KSR2: variants seen among roughly 807,000 people sequenced by gnomAD.
The protein encoded by KSR2 is kinase suppressor of ras 2.
A neutral mutation model predicts 107.8 loss-of-function variants in KSR2; 25 were observed. The ratio of observed to expected loss-of-function variants is 0.23; its 90% CI spans 0.17 to 0.32. The LOEUF is 0.32. Among genes scored for constraint, KSR2 ranks in the 10% least tolerant of loss-of-function variants. The probability of loss-of-function intolerance (pLI) is 1.00; values close to 1 mark genes in which losing one functional copy is unlikely to be tolerated. For missense variants in KSR2, 887 were observed against 1,268.9 expected, an observed-to-expected ratio of 0.70 and a Z score of 4.57; for synonymous variants, 480 against 507.0, an observed-to-expected ratio of 0.95 and a Z score of 0.71.
At chr12:117,530,279 TATA>T (rs999284192) in intron 12 of KSR2, among the ~76,000 whole-genome samples, 2 of 152,220 alleles carry the variant, frequency 1.3e-5, no homozygotes, top group African/African-American at 4.8e-5. Context: ...ATATTATTTT[TATA>T]ATAATATAAA....
At chr12:117,695,148 C>T (rs969396151) in intron 4 of KSR2, among the ~76,000 whole-genome samples, 8 of 151,876 alleles carry the variant, frequency 5.3e-5, no homozygotes, top group African/African-American at 1.5e-4. Context: ...CACACCTGGC[C>T]GTATGATTCT....
intron 3 of KSR2, among the ~76,000 whole-genome samples, chr12:117,841,032 A>G (rs184719944): frequency 5.9e-5 from 9 of 151,954 alleles, no homozygotes; most frequent in Admixed American, 5.9e-4. Context: ...GTAACATACC[A>G]ATGTGGATGC....
Position 117,466,959 on chromosome 12 carries a change from C to T in KSR2, c.*240G>A, listed in dbSNP as rs905581573. 6 of 450,624 alleles carry T rather than the reference C, an allele frequency of 1.3e-5. No individual in the cohort carries two copies. Among genetic ancestry groups the T allele is most frequent in the East Asian group, 3.5e-5 (1 of 28,170 alleles). 27.9% of individuals were successfully genotyped at this position (450,624 alleles called of 1,614,324 possible). ...TCCCCTGGGCCGCACTGATCAATAA[C>T]GCATCACCCTGGCTGGTCCGGTTCA... is the stretch of plus-strand genomic sequence containing the variant. On this transcript the variant is annotated 3_prime_UTR_variant, in exon 20 of 20. Transcript: ENST00000339824.
chr12:117,704,069 C>G (rs532742003), intron 4 of KSR2, among the ~76,000 whole-genome samples: 1 of 152,004 alleles, frequency 6.6e-6, no homozygotes, highest in East Asian at 1.9e-4. Flanking sequence ...CAATAGAAGA[C>G]CTATAATCTT....
chr12:117,807,237 C>T (rs1891041961), intron 3 of KSR2, among the ~76,000 whole-genome samples: 1 of 152,150 alleles, frequency 6.6e-6, no homozygotes, highest in Non-Finnish European at 1.5e-5. Flanking sequence ...CTCTTGGAAA[C>T]CGAGTGTATT....
chr12:117,699,451 G>A (rs1384798808), intron 4 of KSR2, among the ~76,000 whole-genome samples: 2 of 152,178 alleles, frequency 1.3e-5, no homozygotes, highest in African/African-American at 4.8e-5. Context: ...TACAAATCTA[G>A]GTGGTAGAGC....
At chr12:117,839,790 C>T (rs192518379) in intron 3 of KSR2, among the ~76,000 whole-genome samples, 4 of 152,274 alleles carry the variant, frequency 2.6e-5, no homozygotes, top group East Asian at 1.9e-4. Context: ...TGCAAAGGGA[C>T]GGTGAATCAG....
chr12:117,885,689 G>A (rs1413697641), intron 1 of KSR2, among the ~76,000 whole-genome samples: 2 of 151,292 alleles, frequency 1.3e-5, no homozygotes, highest in Non-Finnish European at 2.9e-5. Flanking sequence ...AACACAGGGG[G>A]CGGGGGGTAA....
chr12:117,493,842 C>A (rs918521590), intron 14 of KSR2, among the ~76,000 whole-genome samples: 1 of 152,152 alleles, frequency 6.6e-6, no homozygotes, highest in Non-Finnish European at 1.5e-5. Context: ...GAATAAGTCT[C>A]ACGAGATCTA....
intron 1 of KSR2, among the ~76,000 whole-genome samples, chr12:117,947,182 GAAAGAAAAGAAAGAAAAGAAAGA>G (rs1896207148): frequency 3.7e-5 from 4 of 107,892 alleles, no homozygotes; most frequent in Admixed American, 1.0e-4. Flanking sequence ...AAGAAAGAAA[GAAAGAAAAGAAAGAAAAGAAAGA>G]AAAGAAAGAA....
intron 14 of KSR2, among the ~76,000 whole-genome samples, chr12:117,503,474 C>T (rs990735348): frequency 1.3e-5 from 2 of 152,186 alleles, no homozygotes; most frequent in African/African-American, 4.8e-5. Context: ...TCAATCCCCA[C>T]TTTCTTTTCT....
At chr12:117,612,954 C>T (rs1303649466) in intron 5 of KSR2, among the ~76,000 whole-genome samples, 8 of 152,202 alleles carry the variant, frequency 5.3e-5, no homozygotes. Context: ...TTCCTTCTGC[C>T]ATGATTGTAA....
chr12:117,740,148 T>G (rs1888118616), intron 4 of KSR2, among the ~76,000 whole-genome samples: 3 of 151,018 alleles, frequency 2.0e-5, no homozygotes, highest in Admixed American at 1.3e-4. Flanking sequence ...CCTCATACCT[T>G]AGTTCCCACT....
At chr12:117,556,566 C>A (rs1329146016) in intron 8 of KSR2, among the ~76,000 whole-genome samples, 1 of 152,186 alleles carries the variant, frequency 6.6e-6, no homozygotes, top group East Asian at 1.9e-4. Flanking sequence ...CGAAAACCAA[C>A]TGCCCGTTGG....
chr12:117,851,662 G>A (rs919261575), intron 3 of KSR2, among the ~76,000 whole-genome samples: 16 of 152,068 alleles, frequency 1.1e-4, no homozygotes, highest in Non-Finnish European at 1.5e-5. Flanking sequence ...AGGTCGAGCC[G>A]GATGGATCAC....
intron 4 of KSR2, among the ~76,000 whole-genome samples, chr12:117,760,669 A>G (rs889312963): frequency 6.6e-6 from 1 of 152,228 alleles, no homozygotes; most frequent in Non-Finnish European, 1.5e-5. Context: ...TTTGTGGGCT[A>G]TTCTCACTCT....
intron 5 of KSR2, among the ~76,000 whole-genome samples, chr12:117,599,676 A>G (rs542294199): frequency 6.6e-6 from 1 of 152,102 alleles, no homozygotes; most frequent in Admixed American, 6.5e-5. Context: ...ATATCTCTAA[A>G]CATTTCCAAA....
chr12:117,750,410 A>G (rs527990227), intron 4 of KSR2, among the ~76,000 whole-genome samples: 1 of 152,216 alleles, frequency 6.6e-6, no homozygotes, highest in East Asian at 1.9e-4. Context: ...ACCTTGCAAA[A>G]GATCTCAATT....
chr12:117,484,393 CG>C, intron 16 of KSR2, 22 bp downstream of exon 16: 1 of 1,612,796 alleles, frequency 6.2e-7, no homozygotes. Context: ...GGAAACTCTC[CG>C]GGTCTTCCCA....
Sources: gnomAD v4.1 joint callset for allele counts (sites outside exome capture counted in the v4.1 genomes callset) on GRCh38, gnomAD v4.1.1 for gene constraint, MANE v1.5 for transcripts, NCBI Gene and HGNC (gene_info 2026-07-23, HGNC 2026-07-21) for gene names.